FRMD7: variants seen among roughly 807,000 people sequenced by gnomAD.
The protein encoded by FRMD7 is FERM domain containing 7.
FRMD7 carries 14 observed loss-of-function variants against 44.1 expected under a neutral mutation model. The observed-to-expected ratio is 0.32, with a 90% CI of 0.21 to 0.50. The LOEUF (loss-of-function observed/expected upper bound fraction) is 0.50. FRMD7 is among the 20% of genes least tolerant of loss of function. The probability of loss-of-function intolerance (pLI) is 0.99; values close to 1 mark genes in which losing one functional copy is unlikely to be tolerated. For synonymous variants in FRMD7, 212 were observed against 187.4 expected, an observed-to-expected ratio of 1.13 and a Z score of -1.07; for missense variants, 501 against 522.3, an observed-to-expected ratio of 0.96 and a Z score of 0.40.
chrX:132,106,151 C>G (rs1410744855), intron 1 of FRMD7, among the ~76,000 whole-genome samples: 5 of 111,657 alleles, frequency 4.5e-5, no homozygotes, highest in African/African-American at 1.6e-4. Context: ...AAGAAACTTA[C>G]ACAAATTTAC....
At chrX:132,103,853 C>A (rs965082607) in intron 1 of FRMD7, among the ~76,000 whole-genome samples, 1 of 112,322 alleles carries the variant, frequency 8.9e-6, no homozygotes, top group African/African-American at 3.2e-5. Context: ...TGTTTGAATT[C>A]TTGGAATTAA....
Position 132,080,270 on chromosome X carries a change from T to A in FRMD7, c.906-4A>T, listed in dbSNP as rs759476390. Reference sequence around the variant, plus strand: ...AAGTTGCCTTTGGGTTCGTCCACTATCATAAGGAACAATAAAAATCCTTAG... The same window carrying A: ...AAGTTGCCTTTGGGTTCGTCCACTAACATAAGGAACAATAAAAATCCTTAG... On this transcript the variant is annotated splice_region_variant and splice_polypyrimidine_tract_variant and intron_variant, in intron 9 of 11. Coordinates refer to ENST00000298542, the MANE Select transcript of FRMD7 (RefSeq NM_194277.3). 8.6e-7 allele frequency: 1 copy of A among 1,158,746 alleles called. No homozygotes were observed. The highest frequency in any genetic ancestry group is 1.8e-5 in the South Asian group (1 of 55,728).
intron 1 of FRMD7, among the ~76,000 whole-genome samples, chrX:132,115,856 A>G (rs1478343630): frequency 2.7e-5 from 3 of 111,104 alleles, no homozygotes; most frequent in African/African-American, 9.8e-5. Flanking sequence ...TTCCACAGAG[A>G]AACCTGAGGA....
chrX:132,089,911 T>G (rs1928114728), intron 5 of FRMD7, among the ~76,000 whole-genome samples: 1 of 112,441 alleles, frequency 8.9e-6, no homozygotes. Flanking sequence ...TGGCAGTTTC[T>G]GAAAATGTTC....
intron 9 of FRMD7, 25 bp from the exon 10 acceptor site, chrX:132,080,291 C>T: frequency 9.4e-7 from 1 of 1,068,022 alleles, no homozygotes; most frequent in African/African-American, 1.8e-5. Flanking sequence ...AATAAAAATC[C>T]TTAGTTCTAG....
At chrX:132,115,770 T>A (rs1360240774) in intron 1 of FRMD7, among the ~76,000 whole-genome samples, 1 of 111,687 alleles carries the variant, frequency 9.0e-6, no homozygotes, top group Non-Finnish European at 1.9e-5. Context: ...GAATTTGACA[T>A]TTGCTTTTCT....
intron 9 of FRMD7, among the ~76,000 whole-genome samples, chrX:132,081,363 AC>A (rs1468039253): frequency 1.0e-5 from 1 of 96,692 alleles, no homozygotes; most frequent in Admixed American, 1.0e-4. Flanking sequence ...AACAACAACA[AC>A]AAAAAAAAAC....
At chrX:132,124,460 T>C (rs1929107105) in intron 1 of FRMD7, among the ~76,000 whole-genome samples, 1 of 112,023 alleles carries the variant, frequency 8.9e-6, no homozygotes, top group Admixed American at 9.5e-5. Flanking sequence ...AAATTCATTT[T>C]CTTCATTGGA....
chrX:132,077,835 A>G lies in FRMD7; in HGVS notation c.*37T>C, dbSNP rs1193271612. On this transcript the variant is annotated 3_prime_UTR_variant, in exon 12 of 12. Transcript: ENST00000298542. ...ATTATTTTCTGCCTAAGTCGGTAACATGGAACTGGCTCAGAAATGTCCATA... is the reference window on the plus strand; with the variant it reads ...ATTATTTTCTGCCTAAGTCGGTAACGTGGAACTGGCTCAGAAATGTCCATA... The G allele has an allele frequency of 8.3e-7, 1 of 1,210,937 alleles. No homozygotes were observed. Among genetic ancestry groups the G allele is most frequent in the East Asian group, 3.0e-5 (1 of 33,841 alleles).
chrX:132,078,448 T>C lies in FRMD7; in HGVS notation c.1569A>G (p.Val523=). 1 of 1,211,027 alleles carries C rather than the reference T, an allele frequency of 8.3e-7. No homozygotes were observed. The highest frequency in any genetic ancestry group is 1.1e-6 in the Non-Finnish European group (1 of 894,874). Reference sequence around the variant, plus strand: ...CAGCTGGCTTCATTGCAGTGGGCTCTACATAGCTATGTGGACTTGTCCTTT... The same window carrying C: ...CAGCTGGCTTCATTGCAGTGGGCTCCACATAGCTATGTGGACTTGTCCTTT... ...AEERTSPHSY[V]EPTAMKPAER... Residue 523 remains valine, a synonymous_variant, in exon 12 of 12, where the codon GTA becomes GTG. Coordinates refer to ENST00000298542, the MANE Select transcript of FRMD7 (RefSeq NM_194277.3).
intron 1 of FRMD7, among the ~76,000 whole-genome samples, chrX:132,106,929 T>C (rs991924733): frequency 1.8e-5 from 2 of 111,653 alleles, no homozygotes; most frequent in African/African-American, 6.5e-5. Context: ...GGTACTGGGC[T>C]TAATAGCTGG....
intron 5 of FRMD7, among the ~76,000 whole-genome samples, chrX:132,091,414 C>G (rs1051054778): frequency 8.9e-6 from 1 of 111,781 alleles, no homozygotes; most frequent in Non-Finnish European, 1.9e-5. Context: ...ACTGCATGCT[C>G]TCTTTGCCAG....
intron 1 of FRMD7, among the ~76,000 whole-genome samples, chrX:132,112,011 T>G (rs187399456): frequency 1.8e-5 from 2 of 112,478 alleles, no homozygotes; most frequent in Admixed American, 1.9e-4. Flanking sequence ...TTTTAAAGAC[T>G]GTTTTACTTT....
At chrX:132,099,559 G>T (rs746296982) in intron 2 of FRMD7, 49 bp from the exon 3 acceptor site, 1 of 955,746 alleles carries the variant, frequency 1.0e-6, no homozygotes, top group Non-Finnish European at 1.5e-6. Context: ...ATTGAGCAGA[G>T]CTTTTTTTTT....
At chrX:132,081,852 T>C (rs1240482043) in intron 9 of FRMD7, among the ~76,000 whole-genome samples, 2 of 112,261 alleles carry the variant, frequency 1.8e-5, no homozygotes, top group Admixed American at 9.4e-5. Flanking sequence ...TGTATGCATG[T>C]ACCATGTTGG....
chrX:132,090,005 T>G (rs1201225651), intron 5 of FRMD7, among the ~76,000 whole-genome samples: 2 of 112,223 alleles, frequency 1.8e-5, no homozygotes, highest in Non-Finnish European at 3.8e-5. Flanking sequence ...ACAAGAACAC[T>G]TGTGTGCCAA....
intron 5 of FRMD7, among the ~76,000 whole-genome samples, chrX:132,091,692 G>A (rs1050621385): frequency 5.7e-5 from 6 of 104,610 alleles, no homozygotes; most frequent in Non-Finnish European, 9.8e-5. Context: ...AAAAAAAGCC[G>A]GGTGTGGTGG....
intron 3 of FRMD7, among the ~76,000 whole-genome samples, chrX:132,098,082 G>A (rs768831802): frequency 1.8e-5 from 2 of 111,770 alleles, no homozygotes; most frequent in African/African-American, 3.3e-5. Flanking sequence ...GTTTGGAGGA[G>A]GTCAAGGATG....
At position 132,077,734 on chromosome X, in the gene FRMD7, A is replaced by G. The variant is rs1192926282; in HGVS notation, c.*138T>C. ...ATGAGGCAACAGCTGGATCTTTCAT[A>G]AGGCAGGCATCCAAAATGAGATTTC... On this transcript the variant is annotated 3_prime_UTR_variant, in exon 12 of 12. Coordinates refer to ENST00000298542, the MANE Select transcript of FRMD7 (RefSeq NM_194277.3). The G allele has an allele frequency of 5.4e-5, 48 of 890,459 alleles. No homozygotes were observed. The highest frequency in any genetic ancestry group is 6.7e-5 in the Non-Finnish European group (43 of 638,617). The allele number at this position is 890,459 out of a possible 1,213,427, so 73.4% of individuals were successfully genotyped here.
Sources: gnomAD v4.1 joint callset for allele counts (sites outside exome capture counted in the v4.1 genomes callset) on GRCh38, gnomAD v4.1.1 for gene constraint, MANE v1.5 for transcripts, NCBI Gene and HGNC (gene_info 2026-07-23, HGNC 2026-07-21) for gene names.